The following PRTG variants were observed in gnomAD, a reference collection of about 807,000 sequenced individuals.
PRTG encodes protogenin, also known as immunoglobulin superfamily, DCC subclass, member 5.
In PRTG, 67 loss-of-function variants were observed where a neutral mutation model predicts 122.5. The ratio of observed to expected loss-of-function variants is 0.55; its 90% CI spans 0.45 to 0.67. The LOEUF (loss-of-function observed/expected upper bound fraction) is 0.67. PRTG is among the 30% of genes least tolerant of loss of function. The pLI is 0.00. For missense variants in PRTG, 1,435 were observed against 1,415.4 expected (o/e 1.01, Z -0.22); for synonymous variants, 554 against 501.1 (o/e 1.11, Z -1.41).
intron 11 of PRTG, among the ~76,000 whole-genome samples, chr15:55,654,728 CAG>C (rs980450300): frequency 6.6e-6 from 1 of 152,180 alleles, no homozygotes; most frequent in Non-Finnish European, 1.5e-5. Context: ...TATAGACTGA[CAG>C]AGAGAGCCTA....
chr15:55,647,688 C>T (rs113535495), intron 11 of PRTG, among the ~76,000 whole-genome samples: 37 of 152,194 alleles, frequency 2.4e-4, no homozygotes, highest in African/African-American at 8.9e-4. Flanking sequence ...AGTAAAGGTG[C>T]CTGGGAGAAA....
At chr15:55,642,052 T>C (rs1292928542) in intron 11 of PRTG, among the ~76,000 whole-genome samples, 3 of 150,524 alleles carry the variant, frequency 2.0e-5, no homozygotes, top group African/African-American at 7.4e-5. Flanking sequence ...CGGGCGCCTG[T>C]AGTCCCAGCT....
At chr15:55,671,799 C>A (rs2059473460) in intron 11 of PRTG, among the ~76,000 whole-genome samples, 1 of 152,136 alleles carries the variant, frequency 6.6e-6, no homozygotes, top group Non-Finnish European at 1.5e-5. Flanking sequence ...CCACGCCTGG[C>A]CCATGTATTC....
chr15:55,704,939 A>G (rs540527678), intron 2 of PRTG, among the ~76,000 whole-genome samples: 1 of 152,188 alleles, frequency 6.6e-6, no homozygotes, highest in Non-Finnish European at 1.5e-5. Flanking sequence ...GATGTCTTTT[A>G]ATATTGTAAC....
chr15:55,624,831 A>G (rs1337430845), intron 17 of PRTG, among the ~76,000 whole-genome samples: 1 of 152,220 alleles, frequency 6.6e-6, no homozygotes, highest in Non-Finnish European at 1.5e-5. Context: ...TTACACTAGC[A>G]TAACAATTCA....
intron 13 of PRTG, among the ~76,000 whole-genome samples, 178 bp downstream of exon 13, chr15:55,639,464 T>C (rs1394732151): frequency 6.6e-6 from 1 of 152,236 alleles, no homozygotes; most frequent in Non-Finnish European, 1.5e-5. Context: ...TCAAAAAGTA[T>C]GGTTTTCAGA....
intron 10 of PRTG, among the ~76,000 whole-genome samples, 173 bp downstream of exon 10, chr15:55,673,198 T>A (rs1275001254): frequency 6.6e-6 from 1 of 152,220 alleles, no homozygotes; most frequent in African/African-American, 2.4e-5. Flanking sequence ...AAATAAACTC[T>A]ATGCAAAAGC....
chr15:55,684,001 G>T, intron 2 of PRTG, 70 bp from the exon 3 acceptor site: 1 of 1,304,618 alleles, frequency 7.7e-7, no homozygotes, highest in Non-Finnish European at 1.1e-6. Flanking sequence ...CATTACACTA[G>T]ATATTACTTA....
At chr15:55,662,268 A>G (rs2059414436) in intron 11 of PRTG, among the ~76,000 whole-genome samples, 1 of 152,232 alleles carries the variant, frequency 6.6e-6, no homozygotes, top group Non-Finnish European at 1.5e-5. Flanking sequence ...CACGCAAGTA[A>G]AAGGTATTTC....
intron 2 of PRTG, among the ~76,000 whole-genome samples, chr15:55,718,804 G>A (rs1015123476): frequency 1.4e-4 from 22 of 151,846 alleles, no homozygotes; most frequent in Non-Finnish European, 1.5e-4. Context: ...GTGCAGTGGT[G>A]CAATCTTGGC....
At position 55,615,274 on chromosome 15, in the gene PRTG, A is replaced by T. The variant is rs1011973383; in HGVS notation, c.*4738T>A. On this transcript the variant is annotated 3_prime_UTR_variant, in exon 20 of 20. Transcript: ENST00000389286. ...CTGTGTTAGACTTCTGATCTGCAGAACTTAAGAAAAATTTGTGTTATTTTA... is the reference window on the plus strand; with the variant it reads ...CTGTGTTAGACTTCTGATCTGCAGATCTTAAGAAAAATTTGTGTTATTTTA... The T allele has an allele frequency of 6.6e-6, 1 of 152,080 alleles. No homozygotes were observed. The highest frequency in any genetic ancestry group is 2.4e-5 in the African/African-American group (1 of 41,422). The allele number at this position is 152,080 out of a possible 1,614,324, so 9.4% of individuals were successfully genotyped here.
At chr15:55,673,251 CATCT>C in intron 10 of PRTG, 116 bp downstream of exon 10, 1 of 753,806 alleles carries the variant, frequency 1.3e-6, no homozygotes, top group South Asian at 2.2e-5. Context: ...TTAAGTCCAT[CATCT>C]ATGGAATATT....
intron 2 of PRTG, among the ~76,000 whole-genome samples, chr15:55,735,999 C>T (rs1465128218): frequency 6.6e-6 from 1 of 152,170 alleles, no homozygotes; most frequent in Non-Finnish European, 1.5e-5. Context: ...TTAAACATAA[C>T]TTCTGAAACA....
intron 11 of PRTG, among the ~76,000 whole-genome samples, chr15:55,647,140 C>T (rs866722129): frequency 2.6e-5 from 4 of 152,052 alleles, no homozygotes; most frequent in African/African-American, 7.2e-5. Flanking sequence ...AATAGCCGGG[C>T]GTGGTGGTGG....
At chr15:55,670,706 G>A (rs2059464547) in intron 11 of PRTG, among the ~76,000 whole-genome samples, 1 of 152,110 alleles carries the variant, frequency 6.6e-6, no homozygotes, top group African/African-American at 2.4e-5. Context: ...TTCAAGACCA[G>A]CCTGACCAAC....
At chr15:55,690,475 AC>A (rs561115607) in intron 2 of PRTG, among the ~76,000 whole-genome samples, 20 of 152,172 alleles carry the variant, frequency 1.3e-4, no homozygotes, top group Non-Finnish European at 2.4e-4. Context: ...AGGACAGAGC[AC>A]CCCCAAAAGC....
chr15:55,683,256 G>A (rs979343243), intron 3 of PRTG, among the ~76,000 whole-genome samples: 3 of 151,604 alleles, frequency 2.0e-5, no homozygotes, highest in Non-Finnish European at 4.4e-5. Flanking sequence ...GTTAGCAAAT[G>A]TCTGCCAACT....
intron 2 of PRTG, among the ~76,000 whole-genome samples, chr15:55,707,824 T>C (rs1595667086): frequency 6.6e-6 from 1 of 152,190 alleles, no homozygotes; most frequent in South Asian, 2.1e-4. Flanking sequence ...ACAGAAAAGA[T>C]GAATAAAACT....
Position 55,673,421 on chromosome 15 carries a change from T to C in PRTG, c.1802A>G (p.Glu601Gly). 1.2e-6 allele frequency: 2 copies of C among 1,614,164 alleles called. No homozygotes were observed. Among genetic ancestry groups the C allele is most frequent in the Non-Finnish European group, 1.7e-6 (2 of 1,180,014 alleles). ...CCTATGTGAAGTCCATACTGATGACTCTCCCAGCCCCACTCTGGTGGCAGC... is the reference window on the plus strand; with the variant it reads ...CCTATGTGAAGTCCATACTGATGACCCTCCCAGCCCCACTCTGGTGGCAGC... ...ITAATRVGLG[E>G]SSVWTSHRTP... is the part of the protein sequence containing the mutation. Residue 601 changes from glutamate to glycine, a missense_variant, in exon 10 of 20, where the codon GAG becomes GGG. Glu to Gly is a moderately conservative substitution (Grantham distance 98). Coordinates refer to ENST00000389286, the MANE Select transcript of PRTG (RefSeq NM_173814.6).
Sources: gnomAD v4.1 joint callset for allele counts (sites outside exome capture counted in the v4.1 genomes callset) on GRCh38, gnomAD v4.1.1 for gene constraint, MANE v1.5 for transcripts, NCBI Gene and HGNC (gene_info 2026-07-23, HGNC 2026-07-21) for gene names.